STK32B: variants seen among roughly 807,000 people sequenced by gnomAD.
The protein encoded by STK32B is serine/threonine kinase 32B.
STK32B carries 43 observed loss-of-function variants against 52.6 expected under a neutral mutation model. The ratio of observed to expected loss-of-function variants is 0.82; its 90% confidence interval spans 0.64 to 1.05. The LOEUF is 1.05. STK32B is among the 50% of genes least tolerant of loss of function. The pLI is 0.00. For synonymous variants in STK32B, 238 were observed against 204.3 expected (o/e 1.17, Z -1.41); for missense variants, 621 against 534.6 (o/e 1.16, Z -1.59).
At chr4:5,354,732 G>A (rs1213809669) in intron 4 of STK32B, among the ~76,000 whole-genome samples, 1 of 152,086 alleles carries the variant, frequency 6.6e-6, no homozygotes, top group African/African-American at 2.4e-5. Flanking sequence ...AAATACTCAA[G>A]GTGATGGATA....
chr4:5,175,238 G>A (rs78008430), intron 3 of STK32B, among the ~76,000 whole-genome samples: 2,668 of 151,656 alleles, frequency 0.018, 73 homozygotes, highest in African/African-American at 0.061. Flanking sequence ...CTTCTTTGCC[G>A]TTGCTTCAAA....
chr4:5,290,369 T>C (rs1482395871), intron 3 of STK32B, among the ~76,000 whole-genome samples: 3 of 152,240 alleles, frequency 2.0e-5, no homozygotes, highest in Non-Finnish European at 4.4e-5. Context: ...TATTCCTTTA[T>C]ATGCTTATTC....
chr4:5,316,267 G>T lies in STK32B; in HGVS notation c.261-14953G>T, dbSNP rs189751099. 6.0e-4 allele frequency among the ~76,000 whole-genome samples: 27 copies of T among 44,654 alleles called. 2 individuals carry two copies. Among genetic ancestry groups the T allele is most frequent in the African/African-American group, 3.4e-3 (17 of 4,930 alleles). 29.3% of individuals were successfully genotyped at this position (44,654 alleles called of 152,430 possible). A position where few individuals can be genotyped will look rare whatever the true frequency, so the allele number is the denominator to read the frequency against. On this transcript the variant is annotated intron_variant, in intron 3 of 11. Transcript: ENST00000282908. ...TATTGTATATATAATATATTATATAGTATATATAATATATTATATACAATA... is the reference window on the plus strand; with the variant it reads ...TATTGTATATATAATATATTATATATTATATATAATATATTATATACAATA...
intron 3 of STK32B, among the ~76,000 whole-genome samples, chr4:5,289,650 C>T (rs2108881887): frequency 6.8e-6 from 1 of 147,342 alleles, no homozygotes; most frequent in African/African-American, 2.5e-5. Context: ...TCCCGAGTAG[C>T]TGGGAGTACA....
rs552339172 is a variant in STK32B, at chr4:5,370,000, CGA to C, written c.435-28205_435-28204del. On this transcript the variant is annotated intron_variant, in intron 4 of 11. Coordinates refer to ENST00000282908, the MANE Select transcript of STK32B (RefSeq NM_018401.3). Reference sequence around the variant, plus strand: ...ATGCCATTCTCCTGCCTCAGCCTCCCGAGTAGCTGGGACTACAGGCGCCACCA... The same window carrying C: ...ATGCCATTCTCCTGCCTCAGCCTCCCGTAGCTGGGACTACAGGCGCCACCA... Among the ~76,000 whole-genome samples, 44 of 152,100 alleles carry C rather than the reference CGA, an allele frequency of 2.9e-4. No individual in the cohort carries two copies. In the South Asian group the frequency reaches 6.0e-3, roughly 21 times the overall value.
chr4:5,360,409 G>A (rs1353340226), intron 4 of STK32B, among the ~76,000 whole-genome samples: 1 of 152,038 alleles, frequency 6.6e-6, no homozygotes, highest in Non-Finnish European at 1.5e-5. Flanking sequence ...GCTTTGAGAG[G>A]GAAAGCCCTA....
At position 5,477,794 on chromosome 4, in the gene STK32B, C is replaced by T. The variant is rs148830298; in HGVS notation, c.1106+9724C>T. On this transcript the variant is annotated intron_variant, in intron 11 of 11. Coordinates refer to ENST00000282908, the MANE Select transcript of STK32B (RefSeq NM_018401.3). Reference sequence around the variant, plus strand: ...GGCCGGAACTAGTCACGTGGCCTCACTTAACACCAAGGGAGCCCAGAACTT... The same window carrying T: ...GGCCGGAACTAGTCACGTGGCCTCATTTAACACCAAGGGAGCCCAGAACTT... Among the ~76,000 whole-genome samples the T allele has an allele frequency of 5.3e-5, 8 of 152,268 alleles. 1 individual carries two copies. Among genetic ancestry groups the T allele is most frequent in the African/African-American group, 1.7e-4 (7 of 41,552 alleles).
At chr4:5,020,142 C>T in the STK32B span, among the ~76,000 whole-genome samples, 4 of 152,262 alleles carry the variant, frequency 2.6e-5, no homozygotes, top group African/African-American at 7.2e-5. Flanking sequence ...GCACAGGCCC[C>T]GAGGGAGAGC....
chr4:5,175,155 G>C (rs1014508884), intron 3 of STK32B, among the ~76,000 whole-genome samples: 17 of 151,974 alleles, frequency 1.1e-4, no homozygotes. Flanking sequence ...GCTCCATCAG[G>C]TCCTTTAAGG....
chr4:5,025,685 A>G, the STK32B span, among the ~76,000 whole-genome samples: 1 of 152,156 alleles, frequency 6.6e-6, no homozygotes, highest in African/African-American at 2.4e-5. Context: ...TTTCTCTACA[A>G]GTGTTTTCTG....
At chr4:5,333,694 T>A (rs1577359983) in intron 4 of STK32B, among the ~76,000 whole-genome samples, 1 of 152,244 alleles carries the variant, frequency 6.6e-6, no homozygotes, top group Non-Finnish European at 1.5e-5. Context: ...TTTCTCCATA[T>A]GGCTAGCCAG....
At position 5,278,696 on chromosome 4, in the gene STK32B, A is replaced by G. The variant is rs74705246; in HGVS notation, c.261-52524A>G. On this transcript the variant is annotated intron_variant, in intron 3 of 11. Coordinates refer to ENST00000282908, the MANE Select transcript of STK32B (RefSeq NM_018401.3). The stretch of plus-strand genomic sequence containing the variant: ...TATTAGTCCCTTCTAACACTACTAT[A>G]AAGACATACCTGAGACTGGGTAATT... Among the ~76,000 whole-genome samples, 1,165 of 152,294 alleles carry G rather than the reference A, an allele frequency of 7.6e-3. 7 individuals carry two copies. The highest frequency in any genetic ancestry group is 0.012 in the Non-Finnish European group (840 of 68,034).
chr4:5,040,038 G>C, the STK32B span, among the ~76,000 whole-genome samples: 6 of 152,172 alleles, frequency 3.9e-5, no homozygotes, highest in African/African-American at 1.4e-4. Context: ...GTCCTCCCCA[G>C]CAGGTCTTCA....
chr4:5,442,543 C>G (rs1269050514), intron 6 of STK32B, among the ~76,000 whole-genome samples: 3 of 150,760 alleles, frequency 2.0e-5, no homozygotes, highest in Non-Finnish European at 4.4e-5. Flanking sequence ...ACTGATGGGT[C>G]TTGACTCTTT....
At chr4:5,335,401 A>T (rs1375159379) in intron 4 of STK32B, among the ~76,000 whole-genome samples, 5 of 151,702 alleles carry the variant, frequency 3.3e-5, no homozygotes, top group African/African-American at 1.2e-4. Context: ...GCGGTCTATC[A>T]GTTTTGTTGA....
intron 3 of STK32B, among the ~76,000 whole-genome samples, chr4:5,282,226 T>C (rs1376559777): frequency 6.6e-6 from 1 of 152,104 alleles, no homozygotes; most frequent in African/African-American, 2.4e-5. Flanking sequence ...ATATATATTG[T>C]TTTTTACCTA....
chr4:5,350,830 G>A (rs1338226058), intron 4 of STK32B, among the ~76,000 whole-genome samples: 12 of 151,770 alleles, frequency 7.9e-5, no homozygotes, highest in Admixed American at 7.9e-4. Flanking sequence ...AAAATAAGCA[G>A]GAGTAGCTCT....
At chr4:5,140,242 T>C in intron 2 of STK32B, 1 of 1,445,906 alleles carries the variant, frequency 6.9e-7, no homozygotes, top group South Asian at 1.2e-5. Flanking sequence ...TGAGGAAAGT[T>C]GAAAAAAAAC....
At chr4:5,095,990 A>G (rs1319703916) in intron 1 of STK32B, among the ~76,000 whole-genome samples, 1 of 152,160 alleles carries the variant, frequency 6.6e-6, no homozygotes, top group Non-Finnish European at 1.5e-5. Context: ...ACTGGATATT[A>G]TATTAGTGAT....
Sources: allele counts gnomAD v4.1 joint callset (sites outside exome capture counted in the v4.1 genomes callset), GRCh38; gene constraint gnomAD v4.1.1; transcripts MANE v1.5; gene names NCBI Gene and HGNC (gene_info 2026-07-23, HGNC 2026-07-21).